Variants in PDZRN4 observed in about 807,000 individuals in gnomAD.
The protein encoded by PDZRN4 is PDZ domain-containing RING finger protein 4.
In PDZRN4, 70 loss-of-function variants were observed where a neutral mutation model predicts 99.0. The ratio of observed to expected loss-of-function variants is 0.71; its 90% CI spans 0.58 to 0.86. The LOEUF (loss-of-function observed/expected upper bound fraction) is 0.86. Ranked by LOEUF, PDZRN4 falls within the 40% of genes least tolerant of loss-of-function variation. PDZRN4 has a pLI of 0.00. For missense variants in PDZRN4, 1,474 were observed against 1,331.2 expected (o/e 1.11, Z -1.67); for synonymous variants, 551 against 501.6 (o/e 1.10, Z -1.32).
At chr12:41,340,183 C>T (rs1951806044) in intron 3 of PDZRN4, among the ~76,000 whole-genome samples, 1 of 151,972 alleles carries the variant, frequency 6.6e-6, no homozygotes, top group Admixed American at 6.6e-5. Context: ...CCTAAGTGTC[C>T]ATCAACAGAT....
chr12:41,358,340 T>C (rs867479978), intron 3 of PDZRN4, among the ~76,000 whole-genome samples: 1 of 152,036 alleles, frequency 6.6e-6, no homozygotes, highest in African/African-American at 2.4e-5. Flanking sequence ...AGAATATTTT[T>C]ATTAAACTCT....
chr12:41,467,781 A>T (rs1289646199), intron 3 of PDZRN4, among the ~76,000 whole-genome samples: 1 of 152,164 alleles, frequency 6.6e-6, no homozygotes, highest in Non-Finnish European at 1.5e-5. Context: ...GCCCCAGGGG[A>T]CTCTGTACTT....
At chr12:41,458,845 A>G (rs1345155754) in intron 3 of PDZRN4, among the ~76,000 whole-genome samples, 1 of 152,216 alleles carries the variant, frequency 6.6e-6, no homozygotes, top group Non-Finnish European at 1.5e-5. Context: ...AGGCCAGAGC[A>G]GCACAGTTTG....
chr12:41,261,662 T>C (rs981870284), intron 3 of PDZRN4, among the ~76,000 whole-genome samples: 4 of 152,140 alleles, frequency 2.6e-5, no homozygotes, highest in Admixed American at 6.5e-5. Context: ...GCTAATATTT[T>C]GTATTTTTAG....
chr12:41,436,087 C>A (rs565250937), intron 3 of PDZRN4, among the ~76,000 whole-genome samples: 2 of 152,300 alleles, frequency 1.3e-5, no homozygotes, highest in South Asian at 4.2e-4. Flanking sequence ...TGAAAACATT[C>A]TTTCCATAGA....
At chr12:41,555,637 T>G (rs1939144707) in intron 6 of PDZRN4, 61 bp from the exon 7 acceptor site, 3 of 1,271,510 alleles carry the variant, frequency 2.4e-6, no homozygotes, top group South Asian at 2.5e-5. Context: ...AAAGCCATAT[T>G]TTTAAGTTCT....
At chr12:41,338,418 C>T (rs539908954) in intron 3 of PDZRN4, among the ~76,000 whole-genome samples, 1 of 151,708 alleles carries the variant, frequency 6.6e-6, no homozygotes, top group Admixed American at 6.6e-5. Flanking sequence ...TGCTTATGGC[C>T]TTATTTTTCC....
chr12:41,324,419 A>T (rs1293154294), intron 3 of PDZRN4, among the ~76,000 whole-genome samples: 1 of 152,122 alleles, frequency 6.6e-6, no homozygotes, highest in Non-Finnish European at 1.5e-5. Context: ...TTTGAGAAAC[A>T]TTATGAAAGA....
chr12:41,469,178 T>C (rs1467015543), intron 3 of PDZRN4, among the ~76,000 whole-genome samples: 1 of 152,206 alleles, frequency 6.6e-6, no homozygotes, highest in Non-Finnish European at 1.5e-5. Context: ...ACACTGACTT[T>C]TTTTCTAAGT....
rs139733196 is a variant in PDZRN4, at chr12:41,198,149, C to G, written c.843+3961C>G. 6.8e-3 allele frequency among the ~76,000 whole-genome samples: 1,036 copies of G among 152,148 alleles called. 7 individuals are homozygous for G. The highest frequency in any genetic ancestry group is 0.024 in the African/African-American group (1,000 of 41,504). ...CCCAGGCTGGTCTTGAACTCCTGGGCTCAAGCGACCTGTCCACCTTGACCT... is the reference window on the plus strand; with the variant it reads ...CCCAGGCTGGTCTTGAACTCCTGGGGTCAAGCGACCTGTCCACCTTGACCT... On this transcript the variant is annotated intron_variant, in intron 3 of 9. Transcript: ENST00000402685.
At chr12:41,442,872 G>T (rs1952691873) in intron 3 of PDZRN4, among the ~76,000 whole-genome samples, 2 of 152,106 alleles carry the variant, frequency 1.3e-5, no homozygotes, top group African/African-American at 4.8e-5. Context: ...GAAAGGCTAA[G>T]AAATAAATAG....
Position 41,555,700 on chromosome 12 carries a change from T to C in PDZRN4, c.1305T>C (p.Val435=). 6.2e-7 allele frequency: 1 copy of C among 1,613,714 alleles called. No individual in the cohort carries two copies. The highest frequency in any genetic ancestry group is 1.1e-5 in the South Asian group (1 of 91,076). Residue 435 remains valine (V), a splice_region_variant and synonymous_variant, in exon 7 of 10, where the codon GTT becomes GTC. Coordinates refer to ENST00000402685, the MANE Select transcript of PDZRN4 (RefSeq NM_001164595.2). ...EEDTGIYVSE[V]DPNSIAAKDG... The stretch of plus-strand genomic sequence containing the variant: ...GATGTATGTCCTCTTCATTACAGGT[T>C]GACCCAAATAGCATTGCTGCCAAAG...
chr12:41,379,108 A>C (rs11180869), intron 3 of PDZRN4, among the ~76,000 whole-genome samples: 13,679 of 151,852 alleles, frequency 0.09, 809 homozygotes, highest in Non-Finnish European at 0.13. Context: ...TGTTTCCAGG[A>C]ATTTATTCAT....
At chr12:41,235,522 C>T (rs1173006136) in intron 3 of PDZRN4, among the ~76,000 whole-genome samples, 2 of 152,114 alleles carry the variant, frequency 1.3e-5, no homozygotes, top group Admixed American at 1.3e-4. Context: ...AGTTCCTATG[C>T]ACACAGTGTG....
At chr12:41,451,003 T>A (rs1016619931) in intron 3 of PDZRN4, among the ~76,000 whole-genome samples, 1 of 151,872 alleles carries the variant, frequency 6.6e-6, no homozygotes, top group African/African-American at 2.4e-5. Flanking sequence ...AAAATTTTTT[T>A]AAGTTTTTTG....
intron 5 of PDZRN4, among the ~76,000 whole-genome samples, chr12:41,530,053 T>A (rs941767908): frequency 6.6e-6 from 1 of 152,224 alleles, no homozygotes; most frequent in Non-Finnish European, 1.5e-5. Flanking sequence ...TCTTTCATTC[T>A]CACTATTTAT....
chr12:41,527,928 T>C (rs1235332362), intron 5 of PDZRN4, among the ~76,000 whole-genome samples: 1 of 152,196 alleles, frequency 6.6e-6, no homozygotes, highest in East Asian at 1.9e-4. Context: ...ATGTGAGATA[T>C]TCATTCCAGA....
chr12:41,523,586 G>A (rs1938526586), intron 5 of PDZRN4, among the ~76,000 whole-genome samples: 1 of 152,048 alleles, frequency 6.6e-6, no homozygotes, highest in African/African-American at 2.4e-5. Flanking sequence ...AACACAGGGG[G>A]CAACAACATG....
intron 3 of PDZRN4, among the ~76,000 whole-genome samples, chr12:41,362,242 C>G (rs1004705260): frequency 1.3e-5 from 2 of 151,946 alleles, no homozygotes; most frequent in African/African-American, 4.8e-5. Flanking sequence ...CTCCACCCAC[C>G]CTTGCTTGCA....
Sources: allele counts gnomAD v4.1 joint callset (sites outside exome capture counted in the v4.1 genomes callset), GRCh38; gene constraint gnomAD v4.1.1; transcripts MANE v1.5; gene names NCBI Gene and HGNC (gene_info 2026-07-23, HGNC 2026-07-21).